Variants in ANKRD61 observed in about 807,000 individuals in gnomAD.
ANKRD61 encodes ankyrin repeat domain 61.
Under a neutral mutation model 8.4 loss-of-function variants are expected in ANKRD61, and 7 were observed. The observed-to-expected ratio is 0.84, with a 90% CI of 0.48 to 1.57. The LOEUF (loss-of-function observed/expected upper bound fraction) is 1.57, where lower values mean the gene tolerates loss of function less well. Among genes scored for constraint, ANKRD61 ranks in the 40% most tolerant of loss-of-function variants. The pLI, the probability that ANKRD61 is intolerant of heterozygous loss-of-function variation, is 0.00. For synonymous variants in ANKRD61, 198 were observed against 208.0 expected (o/e 0.95, Z 0.41); for missense variants, 516 against 523.4 (o/e 0.99, Z 0.14).
intron 1 of ANKRD61, 101 bp downstream of exon 1, chr7:6,031,692 G>A (rs1787918294): frequency 8.4e-7 from 1 of 1,195,814 alleles, no homozygotes; most frequent in Non-Finnish European, 1.2e-6. Flanking sequence ...CGGCCCTTAT[G>A]AGAATGAGAC....
rs1170330623 is a variant in ANKRD61 at position 6,035,276 on chromosome 7, C to G, written c.315-168C>G. 6.6e-6 allele frequency among the ~76,000 whole-genome samples: 1 copy of G among 152,082 alleles called. No individual in the cohort carries two copies. Among genetic ancestry groups the G allele is most frequent in the Non-Finnish European group, 1.5e-5 (1 of 68,012 alleles). On this transcript the variant is annotated intron_variant, in intron 2 of 2. Coordinates refer to ENST00000409061, the MANE Select transcript of ANKRD61 (RefSeq NM_001271700.2). The surrounding 1 kb of genome is among the most constrained non-coding windows in gnomAD (Gnocchi z 5.5). ...CATCCCACCACATCCCACGAAAAACCCTGGGATAGCCTGAGAAACTACCCA... is the reference window on the plus strand; with the variant it reads ...CATCCCACCACATCCCACGAAAAACGCTGGGATAGCCTGAGAAACTACCCA...
At position 6,032,841 on chromosome 7, in the gene ANKRD61, G is replaced by A. The variant is rs749857719; in HGVS notation, c.219G>A (p.Pro73=). 3.6e-5 allele frequency: 56 copies of A among 1,550,554 alleles called. No homozygotes were observed. The highest frequency in any genetic ancestry group is 4.1e-5 in the Non-Finnish European group (47 of 1,146,830). The change falls in exon 2 of 3, where the codon CCG becomes CCA. Residue 73 remains proline, a splice_region_variant and synonymous_variant. Transcript: ENST00000409061. This position sits in a 1 kb window ranked among gnomAD's most constrained non-coding sequence, Gnocchi z 4.3. ...TGTGTTTTGTTTTCCCTCCAAAGCCGACAGAGTCTATCATCCCCATCCATC... is the reference window on the plus strand; with the variant it reads ...TGTGTTTTGTTTTCCCTCCAAAGCCAACAGAGTCTATCATCCCCATCCATC... ...SASNRLLLTQ[P]TESIIPIHLA...
At position 6,036,284 on chromosome 7, in the gene ANKRD61, G is replaced by A. The variant is rs546368230; in HGVS notation, c.1155G>A (p.Arg385=). The A allele has an allele frequency of 6.5e-7, 1 of 1,549,362 alleles. No individual in the cohort carries two copies. The highest frequency in any genetic ancestry group is 1.2e-5 in the South Asian group (1 of 83,936). Residue 385 remains arginine, a synonymous_variant, in exon 3 of 3, where the codon AGG becomes AGA. Transcript: ENST00000409061. This position sits in a 1 kb window ranked among gnomAD's most constrained non-coding sequence, Gnocchi z 4.6. ...SLQGICKRNI[R]NIYGEKYKQH... The stretch of plus-strand genomic sequence containing the variant: ...AGGGTATCTGCAAAAGAAACATCAG[G>A]AATATTTATGGTGAGAAATACAAAC...
At position 6,032,322 on chromosome 7, in the gene ANKRD61, G is replaced by A. The variant is rs375509734; in HGVS notation, c.217-517G>A. Reference sequence around the variant, plus strand: ...CCCTACTGTCTTATCTTGCAGCCACGGTGTGAAACCACTACTTACACGTGT... The same window carrying A: ...CCCTACTGTCTTATCTTGCAGCCACAGTGTGAAACCACTACTTACACGTGT... On this transcript the variant is annotated intron_variant, in intron 1 of 2. Transcript: ENST00000409061. The surrounding 1 kb of genome is among the most constrained non-coding windows in gnomAD (Gnocchi z 4.3). Among the ~76,000 whole-genome samples, 9 of 152,142 alleles carry A rather than the reference G, an allele frequency of 5.9e-5. No homozygotes were observed. The East Asian group carries it at 9.6e-4, about 16-fold the overall frequency.
rs1253958384 is a variant in ANKRD61 at position 6,032,588 on chromosome 7, T to C, written c.217-251T>C. 6.6e-6 allele frequency among the ~76,000 whole-genome samples: 1 copy of C among 152,238 alleles called. No homozygotes were observed. The highest frequency in any genetic ancestry group is 1.9e-4 in the East Asian group (1 of 5,204). On this transcript the variant is annotated intron_variant, in intron 1 of 2. Coordinates refer to ENST00000409061, the MANE Select transcript of ANKRD61 (RefSeq NM_001271700.2). This position sits in a 1 kb window ranked among gnomAD's most constrained non-coding sequence, Gnocchi z 4.3. ...ATCAACTTTCAAAAATTTCCAAAGC[T>C]TTTGAGTGTTATTTCTGTTGCCTCA...
rs1787953958 is a variant in ANKRD61, at chr7:6,032,781, A to C, written c.217-58A>C. ...TGCCTTTGAAACGGCAAGCTAACAC[A>C]AACAGTATTTTTAACTACACAGGGC... On this transcript the variant is annotated intron_variant, in intron 1 of 2. Coordinates refer to ENST00000409061, the MANE Select transcript of ANKRD61 (RefSeq NM_001271700.2). The surrounding 1 kb of genome is among the most constrained non-coding windows in gnomAD (Gnocchi z 4.3). The C allele has an allele frequency of 7.1e-7, 1 of 1,401,458 alleles. No homozygotes were observed. The highest frequency in any genetic ancestry group is 2.0e-5 in the Admixed American group (1 of 49,316). The allele number at this position is 1,401,458 out of a possible 1,614,324, so 86.8% of individuals were successfully genotyped here. A position where few individuals can be genotyped will look rare whatever the true frequency, so the allele number is the denominator to read the frequency against.
In ANKRD61 at chr7:6,035,874, A is replaced by T. The variant is rs1788065702; in HGVS notation, c.745A>T (p.Lys249Ter). 1 of 1,547,456 alleles carries T rather than the reference A, an allele frequency of 6.5e-7. No individual in the cohort carries two copies. The highest frequency in any genetic ancestry group is 8.7e-7 in the Non-Finnish European group (1 of 1,144,828). The change falls in exon 3 of 3, where the codon AAA becomes TAA. Residue 249 changes from lysine (K) to a stop codon, truncating the protein, a stop_gained. Coordinates refer to ENST00000409061, the MANE Select transcript of ANKRD61 (RefSeq NM_001271700.2). LOFTEE classifies it low-confidence loss of function (END_TRUNC). The surrounding 1 kb of genome is among the most constrained non-coding windows in gnomAD (Gnocchi z 5.5). ...GCTTGCAGTGTGCACTGCATCAAGCAAAGCAGGCCGACTCCTCGGGGCGGG... is the reference window on the plus strand; with the variant it reads ...GCTTGCAGTGTGCACTGCATCAAGCTAAGCAGGCCGACTCCTCGGGGCGGG... Reference protein sequence around the residue: ...LKLAVCTASSKAGRLLGAGVS... With the variant: ...LKLAVCTASS
rs1192783840 is a variant in ANKRD61 at position 6,036,365 on chromosome 7, T to C, written c.1236T>C (p.Tyr412=). Reference sequence around the variant, plus strand: ...TATGGAATTCTGTCTACTGCTGTTATGACTTGGCATATACCTCTTGAAATA... The same window carrying C: ...TATGGAATTCTGTCTACTGCTGTTACGACTTGGCATATACCTCTTGAAATA... ...VTIWNSVYCC[Y]DLAYTS Residue 412 remains tyrosine, a synonymous_variant, in exon 3 of 3, where the codon TAT becomes TAC. Transcript: ENST00000409061. This position sits in a 1 kb window ranked among gnomAD's most constrained non-coding sequence, Gnocchi z 4.6. 8.6e-6 allele frequency: 13 copies of C among 1,509,222 alleles called. No homozygotes were observed. In the Admixed American group the frequency reaches 2.2e-4, roughly 26 times the overall value. 93.5% of individuals were successfully genotyped at this position (1,509,222 alleles called of 1,614,324 possible).
chr7:6,034,798 G>C (rs188034801), intron 2 of ANKRD61, among the ~76,000 whole-genome samples: 165 of 152,316 alleles, frequency 1.1e-3, no homozygotes, highest in African/African-American at 3.6e-3. Context: ...TGAGGGCCAA[G>C]TTGTAAAATG....
rs1290837970 is a variant in ANKRD61, at chr7:6,036,453, A to AT, written c.*68dup. 4 of 1,200,088 alleles carry AT rather than the reference A, an allele frequency of 3.3e-6. No individual in the cohort carries two copies. In the East Asian group the frequency reaches 1.0e-4, roughly 31 times the overall value. 74.3% of individuals were successfully genotyped at this position (1,200,088 alleles called of 1,614,324 possible). On this transcript the variant is annotated 3_prime_UTR_variant, in exon 3 of 3. Coordinates refer to ENST00000409061, the MANE Select transcript of ANKRD61 (RefSeq NM_001271700.2). The surrounding 1 kb of genome is among the most constrained non-coding windows in gnomAD (Gnocchi z 4.6). ...CTCAAACTGCATTTTCTGGCTAGACATGTCCCAGAAAATGCTTCACCTATC... is the reference window on the plus strand; with the variant it reads ...CTCAAACTGCATTTTCTGGCTAGACATTGTCCCAGAAAATGCTTCACCTATC...
In ANKRD61 at chr7:6,035,598, G is replaced by A. The variant is rs1788055054; in HGVS notation, c.469G>A (p.Ala157Thr). 1.3e-6 allele frequency: 2 copies of A among 1,550,908 alleles called. No homozygotes were observed. The highest frequency in any genetic ancestry group is 1.7e-6 in the Non-Finnish European group (2 of 1,147,110). The change falls in exon 3 of 3, where the codon GCT becomes ACT. Residue 157 changes from alanine (A) to threonine (T), a missense_variant. Ala to Thr is a moderately conservative substitution (Grantham distance 58). Coordinates refer to ENST00000409061, the MANE Select transcript of ANKRD61 (RefSeq NM_001271700.2). The surrounding 1 kb of genome is among the most constrained non-coding windows in gnomAD (Gnocchi z 5.5). ...TCTCCGCATCTTGTGTGCGCACGGA[G>A]CTCAAGTGAACACTCAAGGGGAAAT... ...TCLRILCAHG[A>T]QVNTQGEISN...
chr7:6,035,603 A>C lies in ANKRD61; in HGVS notation c.474A>C (p.Gln158His). 6.4e-7 allele frequency: 1 copy of C among 1,551,074 alleles called. No individual in the cohort carries two copies. The highest frequency in any genetic ancestry group is 8.7e-7 in the Non-Finnish European group (1 of 1,147,098). ...GCATCTTGTGTGCGCACGGAGCTCA[A>C]GTGAACACTCAAGGGGAAATCAGCA... The part of the protein sequence containing the change: ...CLRILCAHGA[Q>H]VNTQGEISNK... The change falls in exon 3 of 3, where the codon CAA (glutamine) becomes CAC (histidine). Residue 158 changes from glutamine to histidine, a missense_variant. Physicochemically the swap from Gln to His is conservative, Grantham distance 24 (BLOSUM62 0). Coordinates refer to ENST00000409061, the MANE Select transcript of ANKRD61 (RefSeq NM_001271700.2). The surrounding 1 kb of genome is among the most constrained non-coding windows in gnomAD (Gnocchi z 5.5).
chr7:6,031,598 T>G lies in ANKRD61; in HGVS notation c.216+7T>G. 16 of 1,550,404 alleles carry G rather than the reference T, an allele frequency of 1.0e-5. No individual in the cohort carries two copies. Among genetic ancestry groups the G allele is most frequent in the Non-Finnish European group, 1.4e-5 (16 of 1,146,682 alleles). The stretch of plus-strand genomic sequence containing the variant: ...CAGATTACTTCTGACCCAGGTACCC[T>G]CTTTTCTGCTCAGTCACTTCTGGAA... On this transcript the variant is annotated splice_region_variant and intron_variant, in intron 1 of 2. Transcript: ENST00000409061.
In ANKRD61 at chr7:6,036,418, C is replaced by CT. The variant is rs764122795; in HGVS notation, c.*35dup. 142 of 1,414,152 alleles carry CT rather than the reference C, an allele frequency of 1.0e-4. 2 individuals carry two copies. The South Asian group carries it at 2.1e-3, about 21-fold the overall frequency. The allele number at this position is 1,414,152 out of a possible 1,614,324, so 87.6% of individuals were successfully genotyped here. A position where few individuals can be genotyped will look rare whatever the true frequency, so the allele number is the denominator to read the frequency against. ...ACCTCCCAGTTTCACAGCAGAGGGA[C>CT]TTTCAGCCACTCAAACTGCATTTTC... is the stretch of plus-strand genomic sequence containing the variant. On this transcript the variant is annotated 3_prime_UTR_variant, in exon 3 of 3. Coordinates refer to ENST00000409061, the MANE Select transcript of ANKRD61 (RefSeq NM_001271700.2). The surrounding 1 kb of genome is among the most constrained non-coding windows in gnomAD (Gnocchi z 4.6).
rs565117514 is a variant in ANKRD61, at chr7:6,035,934, G to A, written c.805G>A (p.Ala269Thr). 5 of 1,547,682 alleles carry A rather than the reference G, an allele frequency of 3.2e-6. No homozygotes were observed. The highest frequency in any genetic ancestry group is 2.0e-5 in the Admixed American group (1 of 50,844). ...CATCCGTCTGCTACTCACTCACGGAGCCAAAGTCAACGCCCAGGACTACAA... is the reference window on the plus strand; with the variant it reads ...CATCCGTCTGCTACTCACTCACGGAACCAAAGTCAACGCCCAGGACTACAA... ...SCIRLLLTHG[A>T]KVNAQDYKGQ... The change falls in exon 3 of 3, where the codon GCC becomes ACC. Residue 269 changes from alanine (A) to threonine (T), a missense_variant. Ala to Thr is a moderately conservative substitution (Grantham distance 58). Coordinates refer to ENST00000409061, the MANE Select transcript of ANKRD61 (RefSeq NM_001271700.2). The surrounding 1 kb of genome is among the most constrained non-coding windows in gnomAD (Gnocchi z 5.5).
At position 6,035,781 on chromosome 7, in the gene ANKRD61, G is replaced by A; in HGVS notation, c.652G>A (p.Glu218Lys). 3.2e-6 allele frequency: 5 copies of A among 1,551,066 alleles called. No individual in the cohort carries two copies. Among genetic ancestry groups the A allele is most frequent in the Non-Finnish European group, 8.7e-7 (1 of 1,147,112 alleles). ...AAACATGCTGAATAAGGAGATGATG[G>A]AAACGCTCATTGCCTATGGAGCAAA... The part of the protein sequence containing the change: ...AANMLNKEMM[E>K]TLIAYGANVN... Residue 218 changes from glutamate (E) to lysine (K), a missense_variant, in exon 3 of 3, where the codon GAA becomes AAA. By Grantham distance (56) the Glu-to-Lys change is moderately conservative. Coordinates refer to ENST00000409061, the MANE Select transcript of ANKRD61 (RefSeq NM_001271700.2). The surrounding 1 kb of genome is among the most constrained non-coding windows in gnomAD (Gnocchi z 5.5).
At position 6,035,928 on chromosome 7, in the gene ANKRD61, C is replaced by G. The variant is rs1788070017; in HGVS notation, c.799C>G (p.His267Asp). 6.5e-7 allele frequency: 1 copy of G among 1,546,992 alleles called. No homozygotes were observed. The highest frequency in any genetic ancestry group is 8.7e-7 in the Non-Finnish European group (1 of 1,144,740). ...GVSCIRLLLT[H>D]GAKVNAQDYK... Reference sequence around the variant, plus strand: ...CAGCTGCATCCGTCTGCTACTCACTCACGGAGCCAAAGTCAACGCCCAGGA... The same window carrying G: ...CAGCTGCATCCGTCTGCTACTCACTGACGGAGCCAAAGTCAACGCCCAGGA... Residue 267 changes from histidine (H) to aspartate (D), a missense_variant, in exon 3 of 3, where the codon CAC becomes GAC. Coordinates refer to ENST00000409061, the MANE Select transcript of ANKRD61 (RefSeq NM_001271700.2). This position sits in a 1 kb window ranked among gnomAD's most constrained non-coding sequence, Gnocchi z 5.5.
At position 6,035,596 on chromosome 7, in the gene ANKRD61, GA is replaced by G; in HGVS notation, c.468del (p.Ala157LeufsTer3). The G allele has an allele frequency of 6.4e-7, 1 of 1,551,016 alleles. No individual in the cohort carries two copies. The highest frequency in any genetic ancestry group is 8.7e-7 in the Non-Finnish European group (1 of 1,147,106). ...ITCLRILCAH[G>X]AQVNTQGEIS... ...TGTCTCCGCATCTTGTGTGCGCACG[GA>G]GCTCAAGTGAACACTCAAGGGGAAA... On this transcript the variant is annotated frameshift_variant, in exon 3 of 3. Coordinates refer to ENST00000409061, the MANE Select transcript of ANKRD61 (RefSeq NM_001271700.2). LOFTEE classifies it low-confidence loss of function (END_TRUNC). This position sits in a 1 kb window ranked among gnomAD's most constrained non-coding sequence, Gnocchi z 5.5.
chr7:6,035,089 C>T lies in ANKRD61; in HGVS notation c.315-355C>T, dbSNP rs1186227166. Among the ~76,000 whole-genome samples, 1 of 152,136 alleles carries T rather than the reference C, an allele frequency of 6.6e-6. No individual in the cohort carries two copies. The highest frequency in any genetic ancestry group is 2.4e-5 in the African/African-American group (1 of 41,424). Reference sequence around the variant, plus strand: ...CCAGACTGCAGAAATCACTAAGATACAGCCTTGAAGGGACACAGCCCTAGC... The same window carrying T: ...CCAGACTGCAGAAATCACTAAGATATAGCCTTGAAGGGACACAGCCCTAGC... On this transcript the variant is annotated intron_variant, in intron 2 of 2. Coordinates refer to ENST00000409061, the MANE Select transcript of ANKRD61 (RefSeq NM_001271700.2). The surrounding 1 kb of genome is among the most constrained non-coding windows in gnomAD (Gnocchi z 5.5).
Sources: allele counts gnomAD v4.1 joint callset (sites outside exome capture counted in the v4.1 genomes callset), GRCh38; gene constraint gnomAD v4.1.1; non-coding constraint Gnocchi (gnomAD v3.1); transcripts MANE v1.5; gene names NCBI Gene and HGNC (gene_info 2026-07-23, HGNC 2026-07-21).